ACVR2B: variants seen among roughly 807,000 people sequenced by gnomAD.
ACVR2B encodes activin receptor type-2B.
ACVR2B carries 18 observed loss-of-function variants against 65.1 expected under a neutral mutation model. The ratio of observed to expected loss-of-function variants is 0.28; its 90% CI spans 0.19 to 0.41. ACVR2B has a LOEUF of 0.41. ACVR2B is among the 10% of genes least tolerant of loss of function. ACVR2B has a pLI of 1.00. For missense variants in ACVR2B, 482 were observed against 682.7 expected (o/e 0.71, Z 3.28); for synonymous variants, 298 against 277.7 (o/e 1.07, Z -0.73).
At chr3:38,457,363 G>A (rs1327409971) in intron 1 of ACVR2B, among the ~76,000 whole-genome samples, 1 of 152,164 alleles carries the variant, frequency 6.6e-6, no homozygotes, top group Non-Finnish European at 1.5e-5. Context: ...CATTTCCAGT[G>A]CTCTGCAGAA....
intron 1 of ACVR2B, among the ~76,000 whole-genome samples, chr3:38,464,559 G>C (rs2125714912): frequency 7.5e-6 from 1 of 132,928 alleles, no homozygotes; most frequent in South Asian, 2.6e-4. Flanking sequence ...CAAAGGCCTA[G>C]GGTGATGATT....
intron 1 of ACVR2B, among the ~76,000 whole-genome samples, chr3:38,458,492 C>T (rs998352116): frequency 6.6e-6 from 1 of 152,192 alleles, no homozygotes; most frequent in African/African-American, 2.4e-5. Context: ...GCAGCTTGTT[C>T]TGCGGGGGAG....
chr3:38,466,427 G>C (rs1362119039), intron 1 of ACVR2B, among the ~76,000 whole-genome samples: 10 of 152,052 alleles, frequency 6.6e-5, no homozygotes, highest in African/African-American at 2.2e-4. Context: ...TGATCATTAC[G>C]CAGTGTATAT....
rs374149265 is a variant in ACVR2B, at chr3:38,483,563, C to T, written c.*231C>T. On this transcript the variant is annotated 3_prime_UTR_variant, in exon 11 of 11. Transcript: ENST00000352511. This position sits in a 1 kb window ranked among gnomAD's most constrained non-coding sequence, Gnocchi z 4.8. ...TATTGCTCTACTGTATCACAAACAGCGGACACGTCAGCAGGCGTTGAGGTG... is the reference window on the plus strand; with the variant it reads ...TATTGCTCTACTGTATCACAAACAGTGGACACGTCAGCAGGCGTTGAGGTG... The T allele has an allele frequency of 1.1e-5, 2 of 181,472 alleles. No individual in the cohort carries two copies. The highest frequency in any genetic ancestry group is 2.2e-5 in the Non-Finnish European group (2 of 91,828). 11.2% of individuals were successfully genotyped at this position (181,472 alleles called of 1,614,324 possible). A position where few individuals can be genotyped will look rare whatever the true frequency, so the allele number is the denominator to read the frequency against.
chr3:38,459,488 G>A (rs1477129668), intron 1 of ACVR2B: 2 of 613,184 alleles, frequency 3.3e-6, no homozygotes, highest in East Asian at 2.8e-4. Context: ...CTGCCCAGCA[G>A]CCCCTCTCTG....
At chr3:38,462,620 C>A (rs1575579483) in intron 1 of ACVR2B, among the ~76,000 whole-genome samples, 1 of 152,198 alleles carries the variant, frequency 6.6e-6, no homozygotes, top group South Asian at 2.1e-4. Flanking sequence ...TTTTTAAACT[C>A]GGAGATTTGC....
chr3:38,462,849 G>C (rs1709671025), intron 1 of ACVR2B, among the ~76,000 whole-genome samples: 1 of 152,152 alleles, frequency 6.6e-6, no homozygotes, highest in Non-Finnish European at 1.5e-5. Flanking sequence ...CTGAAAAATG[G>C]TTATACCATT....
rs757792007 is a variant in ACVR2B at position 38,477,826 on chromosome 3, AG to A, written c.261-33del. On this transcript the variant is annotated intron_variant, in intron 2 of 10. Coordinates refer to ENST00000352511, the MANE Select transcript of ACVR2B (RefSeq NM_001106.4). The surrounding 1 kb of genome is among the most constrained non-coding windows in gnomAD (Gnocchi z 6.7). ...GGCCTGGGGGAGTCTTGCATCCCCC[AG>A]GTGAGGGGTATATGGAAAATTCTGT... 2 of 1,602,438 alleles carry A rather than the reference AG, an allele frequency of 1.2e-6. No individual in the cohort carries two copies. The highest frequency in any genetic ancestry group is 2.2e-5 in the East Asian group (1 of 44,716).
intron 1 of ACVR2B, 115 bp downstream of exon 1, chr3:38,454,489 T>TATTCAGCCCTCACCTCC: frequency 1.1e-6 from 1 of 944,666 alleles, no homozygotes; most frequent in Admixed American, 4.6e-5. Flanking sequence ...GCACCACCTG[T>TATTCAGCCCTCACCTCC]ATTCAGCCCT....
At chr3:38,463,951 C>G (rs142835500) in intron 1 of ACVR2B, among the ~76,000 whole-genome samples, 2 of 152,180 alleles carry the variant, frequency 1.3e-5, no homozygotes, top group African/African-American at 2.4e-5. Flanking sequence ...TGTATCCACT[C>G]CAGGTGTCTC....
chr3:38,456,778 C>A (rs1215328892), intron 1 of ACVR2B, among the ~76,000 whole-genome samples: 1 of 152,190 alleles, frequency 6.6e-6, no homozygotes, highest in African/African-American at 2.4e-5. Context: ...GATGGCCCCA[C>A]CCTCATGACT....
chr3:38,459,915 C>A (rs1306254499), intron 1 of ACVR2B, among the ~76,000 whole-genome samples: 1 of 152,174 alleles, frequency 6.6e-6, no homozygotes, highest in Admixed American at 6.5e-5. Context: ...TTCTACTCCT[C>A]CCCTGGCCTG....
At chr3:38,464,524 T>A (rs1327590668) in intron 1 of ACVR2B, among the ~76,000 whole-genome samples, 2 of 152,232 alleles carry the variant, frequency 1.3e-5, no homozygotes, top group Non-Finnish European at 2.9e-5. Flanking sequence ...ACTGAAGAAC[T>A]ACCAGGCCAG....
In ACVR2B at chr3:38,483,298, A is replaced by T. The variant is rs1559656483; in HGVS notation, c.1505A>T (p.Asn502Ile). 6.2e-7 allele frequency: 1 copy of T among 1,614,080 alleles called. No individual in the cohort carries two copies. The highest frequency in any genetic ancestry group is 8.5e-7 in the Non-Finnish European group (1 of 1,179,988). The change falls in exon 11 of 11, where the codon AAT becomes ATT. Residue 502 changes from asparagine to isoleucine, a missense_variant. This residue lies in a region of ACVR2B where 38 missense variants were observed against 29.3 expected (regional missense o/e 1.30). Coordinates refer to ENST00000352511, the MANE Select transcript of ACVR2B (RefSeq NM_001106.4). This position sits in a 1 kb window ranked among gnomAD's most constrained non-coding sequence, Gnocchi z 4.8. The stretch of plus-strand genomic sequence containing the variant: ...GTTTCCCTGGTGACCTCTGTCACCA[A>T]TGTGGACCTGCCCCCTAAAGAGTCA... ...CLVSLVTSVT[N>I]VDLPPKESSI
chr3:38,472,914 C>A (rs1709843211), intron 1 of ACVR2B, among the ~76,000 whole-genome samples: 1 of 152,122 alleles, frequency 6.6e-6, no homozygotes, highest in African/African-American at 2.4e-5. Flanking sequence ...GAGAAACGAA[C>A]CTCCCAGTAT....
At position 38,492,058 on chromosome 3, in the gene ACVR2B, A is replaced by C. The variant is rs1431877614; in HGVS notation, c.*8726A>C. 3 of 152,254 alleles carry C rather than the reference A, an allele frequency of 2.0e-5. No homozygotes were observed. The highest frequency in any genetic ancestry group is 2.9e-5 in the Non-Finnish European group (2 of 68,028). 9.4% of individuals were successfully genotyped at this position (152,254 alleles called of 1,614,324 possible). A position where few individuals can be genotyped will look rare whatever the true frequency, so the allele number is the denominator to read the frequency against. ...TTTAACTTACATCGAGTTTGTTGTC[A>C]ATTCTTATGAAAAGAGCTTTCTGCA... On this transcript the variant is annotated 3_prime_UTR_variant, in exon 11 of 11. Coordinates refer to ENST00000352511, the MANE Select transcript of ACVR2B (RefSeq NM_001106.4).
At chr3:38,462,683 C>T (rs903933263) in intron 1 of ACVR2B, among the ~76,000 whole-genome samples, 7 of 152,112 alleles carry the variant, frequency 4.6e-5, no homozygotes, top group Admixed American at 1.3e-4. Flanking sequence ...TTAATAACTA[C>T]GTAATATTCT....
intron 1 of ACVR2B, among the ~76,000 whole-genome samples, chr3:38,471,501 GCA>G (rs943355616): frequency 3.9e-5 from 6 of 152,028 alleles, no homozygotes; most frequent in African/African-American, 9.7e-5. Context: ...ACACATGAGT[GCA>G]CACACACACG....
intron 1 of ACVR2B, among the ~76,000 whole-genome samples, chr3:38,467,864 A>G (rs564920319): frequency 9.2e-5 from 14 of 152,162 alleles, no homozygotes; most frequent in Non-Finnish European, 2.1e-4. Flanking sequence ...TATTTCTAAT[A>G]AATATATGAT....
Sources: allele counts gnomAD v4.1 joint callset (sites outside exome capture counted in the v4.1 genomes callset), GRCh38; gene constraint gnomAD v4.1.1; regional missense constraint gnomAD v4.1.1; non-coding constraint Gnocchi (gnomAD v3.1); transcripts MANE v1.5; gene names NCBI Gene and HGNC (gene_info 2026-07-23, HGNC 2026-07-21).